SP140L: variants seen among roughly 807,000 people sequenced by gnomAD.
The protein encoded by SP140L is nuclear body protein SP140-like protein.
In SP140L, 64 loss-of-function variants were observed where a neutral mutation model predicts 84.3. That is an observed-to-expected ratio of 0.76 (90% confidence interval 0.62 to 0.94). SP140L has a LOEUF of 0.94. SP140L is among the 40% of genes least tolerant of loss of function. The probability of loss-of-function intolerance (pLI) is 0.00; values close to 1 mark genes in which losing one functional copy is unlikely to be tolerated. For missense variants in SP140L, 628 were observed against 692.5 expected (o/e 0.91, Z 1.05); for synonymous variants, 242 against 236.9 (o/e 1.02, Z -0.20).
At chr2:230,371,078 C>A in intron 6 of SP140L, 111 bp downstream of exon 6, 2 of 914,936 alleles carry the variant, frequency 2.2e-6, no homozygotes, top group Admixed American at 2.2e-5. Flanking sequence ...TGTGCATTTG[C>A]CTCACCCAAG....
intron 2 of SP140L, among the ~76,000 whole-genome samples, chr2:230,341,397 AT>A (rs1017279023): frequency 1.1e-5 from 1 of 90,516 alleles, no homozygotes; most frequent in African/African-American, 5.2e-5. Context: ...ATTCTTCTAA[AT>A]TTTTTTCAAA....
At chr2:230,355,828 C>T (rs2060528058) in intron 2 of SP140L, among the ~76,000 whole-genome samples, 2 of 151,968 alleles carry the variant, frequency 1.3e-5, no homozygotes, top group African/African-American at 2.4e-5. Flanking sequence ...AATTGGACTT[C>T]ATCAAAATTA....
intron 8 of SP140L, 70 bp from the exon 9 acceptor site, chr2:230,385,154 C>T (rs1002234399): frequency 2.4e-5 from 36 of 1,495,004 alleles, no homozygotes; most frequent in African/African-American, 8.4e-5. Context: ...CCCTCACTTG[C>T]GTTTGGTCCA....
intron 2 of SP140L, among the ~76,000 whole-genome samples, chr2:230,331,139 G>GA (rs143852112): frequency 1.5e-4 from 22 of 148,820 alleles, no homozygotes; most frequent in South Asian, 4.3e-4. Flanking sequence ...TTTCCTGAAA[G>GA]AAAAAAAAAA....
chr2:230,359,970 G>A (rs2060663753), intron 4 of SP140L, among the ~76,000 whole-genome samples: 1 of 140,528 alleles, frequency 7.1e-6, no homozygotes, highest in Non-Finnish European at 1.5e-5. Context: ...TGGTATTGGT[G>A]CTATACCAAA....
At chr2:230,362,034 C>T (rs1444772885) in intron 5 of SP140L, among the ~76,000 whole-genome samples, 2 of 152,200 alleles carry the variant, frequency 1.3e-5, no homozygotes, top group Non-Finnish European at 2.9e-5. Flanking sequence ...TTAAGAACCA[C>T]AGCCCATGGC....
chr2:230,357,325 A>G (rs900642527), intron 2 of SP140L, among the ~76,000 whole-genome samples: 2 of 152,122 alleles, frequency 1.3e-5, no homozygotes, highest in African/African-American at 2.4e-5. Context: ...ATGATATATG[A>G]TGGTATTTCC....
At position 230,340,420 on chromosome 2, in the gene SP140L, A is replaced by G. The variant is rs2060005584; in HGVS notation, c.107+11589A>G. On this transcript the variant is annotated intron_variant, in intron 2 of 18. Coordinates refer to ENST00000415673, the MANE Select transcript of SP140L (RefSeq NM_138402.6). ...GAGATGCGTTTCCTGAATACAGCAC[A>G]CTGATGGGTCTTGACTCTTTATCCA... is the stretch of plus-strand genomic sequence containing the variant. 3.4e-5 allele frequency among the ~76,000 whole-genome samples: 5 copies of G among 148,852 alleles called. 1 individual carries two copies. The South Asian group carries it at 1.1e-3, about 32-fold the overall frequency.
At chr2:230,367,987 C>T (rs543343533) in intron 5 of SP140L, among the ~76,000 whole-genome samples, 24 of 152,294 alleles carry the variant, frequency 1.6e-4, no homozygotes, top group Non-Finnish European at 3.1e-4. Context: ...AACTTTTATA[C>T]TAGAGATGTA....
intron 11 of SP140L, among the ~76,000 whole-genome samples, chr2:230,390,786 G>A (rs1341265586): frequency 6.6e-6 from 1 of 151,638 alleles, no homozygotes; most frequent in Middle Eastern, 3.4e-3. Context: ...GATTTTTTTT[G>A]TATTTTCACA....
chr2:230,359,917 A>T lies in SP140L; in HGVS notation c.439+785A>T, dbSNP rs192897790. On this transcript the variant is annotated intron_variant, in intron 4 of 18. Coordinates refer to ENST00000415673, the MANE Select transcript of SP140L (RefSeq NM_138402.6). Reference sequence around the variant, plus strand: ...AACTGATTGCTCGGACAGGGACTATACCAAATTAAAGTTTGGTATTGGTGC... The same window carrying T: ...AACTGATTGCTCGGACAGGGACTATTCCAAATTAAAGTTTGGTATTGGTGC... Among the ~76,000 whole-genome samples, 5 of 152,264 alleles carry T rather than the reference A, an allele frequency of 3.3e-5. No individual in the cohort carries two copies. In the East Asian group the frequency reaches 9.7e-4, roughly 29 times the overall value.
intron 5 of SP140L, among the ~76,000 whole-genome samples, chr2:230,368,705 C>A (rs901556363): frequency 2.0e-5 from 3 of 152,052 alleles, no homozygotes; most frequent in African/African-American, 7.2e-5. Flanking sequence ...AGTTCAAATT[C>A]TTTCCTCTAC....
intron 8 of SP140L, among the ~76,000 whole-genome samples, chr2:230,384,511 A>G (rs1031625030): frequency 1.3e-5 from 2 of 152,166 alleles, no homozygotes; most frequent in African/African-American, 4.8e-5. Flanking sequence ...CTTTTCACCA[A>G]TCATCTATCT....
chr2:230,352,167 CTGAG>C (rs2060385201), intron 2 of SP140L, among the ~76,000 whole-genome samples: 1 of 151,686 alleles, frequency 6.6e-6, no homozygotes, highest in South Asian at 2.1e-4. Context: ...GCTATTTAGT[CTGAG>C]TATTTTTTTT....
At chr2:230,349,275 A>T (rs1300718474) in intron 2 of SP140L, among the ~76,000 whole-genome samples, 2 of 152,212 alleles carry the variant, frequency 1.3e-5, no homozygotes, top group Non-Finnish European at 1.5e-5. Flanking sequence ...TAGCTTTATA[A>T]TAAGTGTTGA....
intron 10 of SP140L, 73 bp downstream of exon 10, chr2:230,388,706 G>C: frequency 8.0e-7 from 1 of 1,247,308 alleles, no homozygotes; most frequent in Admixed American, 2.7e-5. Flanking sequence ...TGTATTTTCA[G>C]TAATAAACCT....
At chr2:230,394,104 T>G in intron 13 of SP140L, among the ~76,000 whole-genome samples, 1 of 152,258 alleles carries the variant, frequency 6.6e-6, no homozygotes, top group East Asian at 1.9e-4. Flanking sequence ...GAGGCAAACG[T>G]ATTTTACAGG....
chr2:230,359,111 A>G lies in SP140L; in HGVS notation c.418A>G (p.Ile140Val). ...NMQEYPDLIHIYKSFKNAIQD... is the reference protein window; with the variant it reads ...NMQEYPDLIHVYKSFKNAIQD... ...GCAGGAATACCCCGATTTAATTCAC[A>G]TTTATAAAAGCTTCAAAAATGGTAA... The change falls in exon 4 of 19, where the codon ATT (isoleucine) becomes GTT (valine). Residue 140 changes from isoleucine to valine, a missense_variant. Physicochemically the swap from Ile to Val is conservative, Grantham distance 29. Around this residue, in one of 4 missense-constraint regions of SP140L, gnomAD observed 525 missense variants for 518.4 expected, o/e 1.01. Coordinates refer to ENST00000415673, the MANE Select transcript of SP140L (RefSeq NM_138402.6). The G allele has an allele frequency of 6.2e-7, 1 of 1,603,260 alleles. No individual in the cohort carries two copies.
At position 230,358,944 on chromosome 2, in the gene SP140L, TC is replaced by T; in HGVS notation, c.271-18del. 2 of 1,550,672 alleles carry T rather than the reference TC, an allele frequency of 1.3e-6. No individual in the cohort carries two copies. Among genetic ancestry groups the T allele is most frequent in the South Asian group, 1.2e-5 (1 of 80,164 alleles). Reference sequence around the variant, plus strand: ...CTTGAAAGTCTGTATTTGTATTTTCTCCATTCAATATTTTTAAAGGATTCTG... The same window carrying T: ...CTTGAAAGTCTGTATTTGTATTTTCTCATTCAATATTTTTAAAGGATTCTG... On this transcript the variant is annotated intron_variant, in intron 3 of 18. Coordinates refer to ENST00000415673, the MANE Select transcript of SP140L (RefSeq NM_138402.6).
Sources: gnomAD v4.1 joint callset for allele counts (sites outside exome capture counted in the v4.1 genomes callset) on GRCh38, gnomAD v4.1.1 for gene constraint, gnomAD v4.1.1 regional missense constraint, MANE v1.5 for transcripts, NCBI Gene and HGNC (gene_info 2026-07-23, HGNC 2026-07-21) for gene names.